Variants in PRDM6 observed in about 807,000 individuals in gnomAD.
PRDM6 encodes putative histone-lysine N-methyltransferase PRDM6.
Under a neutral mutation model 60.8 loss-of-function variants are expected in PRDM6, and 25 were observed. The observed-to-expected ratio is 0.41, with a 90% CI of 0.30 to 0.57. The LOEUF (loss-of-function observed/expected upper bound fraction) is 0.57. Among genes scored for constraint, PRDM6 ranks in the 20% least tolerant of loss-of-function variants. The pLI, the probability that PRDM6 is intolerant of heterozygous loss-of-function variation, is 0.27. For synonymous variants in PRDM6, 407 were observed against 357.4 expected (o/e 1.14, Z -1.57); for missense variants, 839 against 821.3 (o/e 1.02, Z -0.26).
chr5:123,094,677 T>A (rs1042115216), intron 2 of PRDM6, among the ~76,000 whole-genome samples: 1 of 152,090 alleles, frequency 6.6e-6, no homozygotes, highest in African/African-American at 2.4e-5. Flanking sequence ...AAGCCACAAT[T>A]AATTGCCCTA....
At chr5:123,110,887 A>G (rs1020951127) in intron 3 of PRDM6, among the ~76,000 whole-genome samples, 5 of 151,862 alleles carry the variant, frequency 3.3e-5, no homozygotes, top group African/African-American at 1.2e-4. Flanking sequence ...ATGGCAACCT[A>G]AGCAGGGGTG....
intron 6 of PRDM6, among the ~76,000 whole-genome samples, chr5:123,173,250 C>T (rs566596067): frequency 3.3e-5 from 5 of 151,724 alleles, no homozygotes; most frequent in South Asian, 2.1e-4. Context: ...ATAATAATGT[C>T]ATAATTCGTA....
intron 3 of PRDM6, among the ~76,000 whole-genome samples, chr5:123,128,757 G>T (rs1187003408): frequency 3.3e-5 from 5 of 152,302 alleles, no homozygotes; most frequent in African/African-American, 1.2e-4. Flanking sequence ...CTGTGCAGAA[G>T]CTCTTTAGTT....
chr5:123,176,821 G>A (rs1766023930), intron 6 of PRDM6, among the ~76,000 whole-genome samples: 1 of 152,228 alleles, frequency 6.6e-6, no homozygotes, highest in African/African-American at 2.4e-5. Flanking sequence ...TCTTAAGAGT[G>A]TCTCCGAGTA....
chr5:123,156,052 A>G (rs1561861706), intron 4 of PRDM6, 41 bp downstream of exon 4: 17 of 1,526,084 alleles, frequency 1.1e-5, no homozygotes, highest in Non-Finnish European at 1.3e-5. Flanking sequence ...AGCTGAAGCC[A>G]TTTGGCTTGC....
chr5:123,106,454 AAGAG>A (rs1172464703), intron 3 of PRDM6, among the ~76,000 whole-genome samples: 2 of 152,142 alleles, frequency 1.3e-5, no homozygotes, highest in African/African-American at 2.4e-5. Context: ...TTAGACAAAA[AAGAG>A]AGAGAGAGGA....
Position 123,090,364 on chromosome 5 carries a change from C to G in PRDM6, c.350C>G (p.Pro117Arg), listed in dbSNP as rs1489183343. 6.8e-7 allele frequency: 1 copy of G among 1,472,106 alleles called. No homozygotes were observed. Among genetic ancestry groups the G allele is most frequent in the Admixed American group, 2.3e-5 (1 of 42,798 alleles). 91.2% of individuals were successfully genotyped at this position (1,472,106 alleles called of 1,614,324 possible). Residue 117 changes from proline to arginine, a missense_variant, in exon 2 of 8, where the codon CCG becomes CGG. By Grantham distance (103) the Pro-to-Arg change is moderately radical (BLOSUM62 -2). Transcript: ENST00000407847. The part of the protein sequence containing the change: ...GLSALPVSQL[P>R]VFAPLAAAAV... ...TCGGCCCTGCCGGTGTCGCAGCTGC[C>G]GGTGTTCGCGCCTCTAGCCGCCGCT...
intron 5 of PRDM6, among the ~76,000 whole-genome samples, chr5:123,164,104 T>C (rs1313198285): frequency 6.6e-6 from 1 of 151,968 alleles, no homozygotes; most frequent in Non-Finnish European, 1.5e-5. Flanking sequence ...AGGGGAAGCG[T>C]TGTGATGGGT....
chr5:123,186,345 C>T (rs140348854), intron 7 of PRDM6, among the ~76,000 whole-genome samples: 4 of 152,300 alleles, frequency 2.6e-5, no homozygotes, highest in South Asian at 4.2e-4. Context: ...AACTCAAAGT[C>T]TCTAGATTAC....
chr5:123,179,308 G>A (rs957417743), intron 6 of PRDM6, among the ~76,000 whole-genome samples: 4 of 152,148 alleles, frequency 2.6e-5, no homozygotes, highest in African/African-American at 9.7e-5. Context: ...CCTTCTGCAA[G>A]CACAATGACA....
In PRDM6 at chr5:123,193,713, A is replaced by G. The variant is rs943620591; in HGVS notation, c.*6512A>G. 5.9e-5 allele frequency: 9 copies of G among 152,312 alleles called. No homozygotes were observed. The East Asian group carries it at 1.7e-3, about 29-fold the overall frequency. 9.4% of individuals were successfully genotyped at this position (152,312 alleles called of 1,614,324 possible). ...ATGTCCCAAGTTAATTATTTTTTTT[A>G]TATCAAGGGGAAGACATCCAGTTCT... On this transcript the variant is annotated 3_prime_UTR_variant, in exon 8 of 8. Coordinates refer to ENST00000407847, the MANE Select transcript of PRDM6 (RefSeq NM_001136239.4).
intron 3 of PRDM6, among the ~76,000 whole-genome samples, chr5:123,118,944 G>A (rs1764517820): frequency 6.6e-6 from 1 of 152,174 alleles, no homozygotes. Flanking sequence ...CTAGATTTGG[G>A]AGCTAAGTAT....
chr5:123,141,797 G>C (rs2126861104), intron 3 of PRDM6, among the ~76,000 whole-genome samples: 1 of 152,264 alleles, frequency 6.6e-6, no homozygotes, highest in Non-Finnish European at 1.5e-5. Flanking sequence ...GGTACTGTTT[G>C]AGCACTTAGT....
At chr5:123,105,091 A>G (rs1764175457) in intron 3 of PRDM6, among the ~76,000 whole-genome samples, 2 of 152,238 alleles carry the variant, frequency 1.3e-5, no homozygotes, top group South Asian at 4.1e-4. Context: ...ATAAAGACTG[A>G]TGAGTTCTGT....
At chr5:123,177,332 A>G (rs920534280) in intron 6 of PRDM6, among the ~76,000 whole-genome samples, 2 of 152,254 alleles carry the variant, frequency 1.3e-5, no homozygotes, top group African/African-American at 4.8e-5. Context: ...CTAACTTTCT[A>G]TAAATTTCTA....
intron 3 of PRDM6, among the ~76,000 whole-genome samples, chr5:123,128,748 T>C (rs2150221924): frequency 6.6e-6 from 1 of 152,374 alleles, no homozygotes; most frequent in South Asian, 2.1e-4. Context: ...TTTCTTTTGC[T>C]GTGCAGAAGC....
At chr5:123,148,028 C>T (rs1006750343) in intron 3 of PRDM6, among the ~76,000 whole-genome samples, 1 of 152,234 alleles carries the variant, frequency 6.6e-6, no homozygotes, top group African/African-American at 2.4e-5. Flanking sequence ...TACCCATTTC[C>T]ATTTCTTCAC....
chr5:123,160,999 T>C (rs1765618010), intron 5 of PRDM6, among the ~76,000 whole-genome samples: 1 of 152,224 alleles, frequency 6.6e-6, no homozygotes, highest in Admixed American at 6.5e-5. Context: ...TCTTTATCTA[T>C]GCACAGAAAG....
chr5:123,133,079 A>G (rs1422392008), intron 3 of PRDM6, among the ~76,000 whole-genome samples: 3 of 152,100 alleles, frequency 2.0e-5, no homozygotes, highest in Non-Finnish European at 4.4e-5. Flanking sequence ...TTGATAACAC[A>G]TTTTGTTTTG....
Sources: gnomAD v4.1 joint callset for allele counts (sites outside exome capture counted in the v4.1 genomes callset) on GRCh38, gnomAD v4.1.1 for gene constraint, MANE v1.5 for transcripts, NCBI Gene and HGNC (gene_info 2026-07-23, HGNC 2026-07-21) for gene names.